AGBL3: variants seen among roughly 807,000 people sequenced by gnomAD.
AGBL3 encodes cytosolic carboxypeptidase 3.
AGBL3 carries 68 observed loss-of-function variants against 94.5 expected under a neutral mutation model. That is an observed-to-expected ratio of 0.72 (90% confidence interval 0.59 to 0.88). AGBL3 has a LOEUF of 0.88. Among genes scored for constraint, AGBL3 ranks in the 40% least tolerant of loss-of-function variants. The probability of loss-of-function intolerance (pLI) is 0.00; values close to 1 mark genes in which losing one functional copy is unlikely to be tolerated. For synonymous variants in AGBL3, 354 were observed against 370.7 expected (o/e 0.95, Z 0.52); for missense variants, 934 against 1,103.8 (o/e 0.85, Z 2.18).
At chr7:135,054,547 C>T (rs1057214573) in intron 11 of AGBL3, among the ~76,000 whole-genome samples, 5 of 152,074 alleles carry the variant, frequency 3.3e-5, no homozygotes, top group African/African-American at 1.2e-4. Context: ...GATAAAGCAA[C>T]TTTAAAAGGT....
intron 8 of AGBL3, among the ~76,000 whole-genome samples, chr7:135,038,155 A>T (rs1222338964): frequency 6.6e-6 from 1 of 152,218 alleles, no homozygotes; most frequent in African/African-American, 2.4e-5. Context: ...AAAGATGTTA[A>T]CATAGCAAAG....
At chr7:135,077,630 C>T (rs1001128433) in intron 13 of AGBL3, among the ~76,000 whole-genome samples, 2 of 152,156 alleles carry the variant, frequency 1.3e-5, no homozygotes, top group Admixed American at 6.5e-5. Flanking sequence ...TGGAAGTTAT[C>T]TTACCAGCAG....
chr7:135,076,501 T>C, intron 13 of AGBL3, 33 bp downstream of exon 13: 4 of 1,452,552 alleles, frequency 2.8e-6, no homozygotes, highest in Non-Finnish European at 3.8e-6. Flanking sequence ...ATTAAGGTTT[T>C]TTTAAATGAA....
chr7:135,003,674 C>A (rs1812014588), intron 4 of AGBL3, among the ~76,000 whole-genome samples: 1 of 150,320 alleles, frequency 6.7e-6, no homozygotes, highest in South Asian at 2.1e-4. Context: ...TTTTTCTGCA[C>A]CGTTTCTAAG....
At chr7:135,035,350 T>C (rs1182356214) in intron 7 of AGBL3, among the ~76,000 whole-genome samples, 1 of 152,048 alleles carries the variant, frequency 6.6e-6, no homozygotes, top group East Asian at 1.9e-4. Flanking sequence ...CTGAATGTCT[T>C]GTAAGAAGTT....
At chr7:134,993,043 A>AT (rs1320350890) in intron 3 of AGBL3, among the ~76,000 whole-genome samples, 1 of 152,210 alleles carries the variant, frequency 6.6e-6, no homozygotes, top group Non-Finnish European at 1.5e-5. Context: ...TGTTCCTGGC[A>AT]TTGTATCACA....
At chr7:135,002,796 A>C (rs747381488) in intron 4 of AGBL3, among the ~76,000 whole-genome samples, 3 of 152,160 alleles carry the variant, frequency 2.0e-5, no homozygotes, top group Non-Finnish European at 4.4e-5. Context: ...GATATTGTTT[A>C]CTTGATATGT....
At chr7:135,119,782 C>G (rs1207531229) in intron 16 of AGBL3, among the ~76,000 whole-genome samples, 3 of 152,034 alleles carry the variant, frequency 2.0e-5, no homozygotes, top group Admixed American at 2.0e-4. Context: ...GAGGCTGAGG[C>G]AGGAGAATGG....
chr7:135,006,771 ACTGT>A (rs1381619974), intron 4 of AGBL3, among the ~76,000 whole-genome samples: 3 of 151,942 alleles, frequency 2.0e-5, no homozygotes, highest in Non-Finnish European at 4.4e-5. Flanking sequence ...TGCAGAACAA[ACTGT>A]CTGCTATAGT....
chr7:135,002,136 C>T (rs1426824334), intron 4 of AGBL3, among the ~76,000 whole-genome samples: 1 of 152,164 alleles, frequency 6.6e-6, no homozygotes, highest in Non-Finnish European at 1.5e-5. Context: ...CACCTGTGAT[C>T]AGGAGTCCTG....
intron 12 of AGBL3, among the ~76,000 whole-genome samples, chr7:135,064,328 T>C (rs569270101): frequency 6.6e-6 from 1 of 152,298 alleles, no homozygotes; most frequent in East Asian, 1.9e-4. Flanking sequence ...CAGATAGGCT[T>C]TGAAGGTTGC....
At chr7:135,073,512 A>AAATAAACG (rs1554510800) in intron 12 of AGBL3, among the ~76,000 whole-genome samples, 18,199 of 144,116 alleles carry the variant, frequency 0.13, 1,313 homozygotes, top group Middle Eastern at 0.26. Flanking sequence ...ATAAATAAAT[A>AAATAAACG]AACCTTGCAG....
intron 12 of AGBL3, among the ~76,000 whole-genome samples, chr7:135,074,116 G>A (rs1011813841): frequency 1.3e-5 from 2 of 152,280 alleles, no homozygotes; most frequent in African/African-American, 4.8e-5. Flanking sequence ...GAGGTGATAC[G>A]TGTGTTAATT....
At chr7:135,008,093 T>C (rs1812620663) in intron 4 of AGBL3, among the ~76,000 whole-genome samples, 1 of 151,998 alleles carries the variant, frequency 6.6e-6, no homozygotes, top group Non-Finnish European at 1.5e-5. Flanking sequence ...GCAATTTCCA[T>C]TAGAATACCA....
chr7:135,023,502 G>C (rs367549611), intron 5 of AGBL3, among the ~76,000 whole-genome samples: 8 of 152,284 alleles, frequency 5.3e-5, no homozygotes, highest in African/African-American at 1.7e-4. Context: ...GACCCCCACA[G>C]ATATTTGAAC....
intron 4 of AGBL3, among the ~76,000 whole-genome samples, chr7:134,999,643 G>T (rs1255391726): frequency 6.6e-6 from 1 of 152,200 alleles, no homozygotes; most frequent in Non-Finnish European, 1.5e-5. Context: ...ATTCCATGGT[G>T]ATTTCCATAG....
intron 5 of AGBL3, among the ~76,000 whole-genome samples, chr7:135,020,072 T>G (rs966135388): frequency 6.6e-6 from 1 of 152,136 alleles, no homozygotes; most frequent in South Asian, 2.1e-4. Context: ...GGGATCTAAT[T>G]AAACTAAAGA....
At chr7:134,994,309 C>G (rs1174657977) in intron 4 of AGBL3, among the ~76,000 whole-genome samples, 1 of 151,900 alleles carries the variant, frequency 6.6e-6, no homozygotes. Flanking sequence ...CTTTCTGCTC[C>G]TTTGTCTTTT....
intron 4 of AGBL3, among the ~76,000 whole-genome samples, chr7:134,993,974 A>C (rs1460051915): frequency 6.6e-6 from 1 of 152,252 alleles, no homozygotes; most frequent in African/African-American, 2.4e-5. Context: ...AGACATTTGA[A>C]TTGAGATCAG....
Sources: gnomAD v4.1 joint callset for allele counts (sites outside exome capture counted in the v4.1 genomes callset) on GRCh38, gnomAD v4.1.1 for gene constraint, MANE v1.5 for transcripts, NCBI Gene and HGNC (gene_info 2026-07-23, HGNC 2026-07-21) for gene names.